TFRC: variants seen among roughly 807,000 people sequenced by gnomAD.
The protein encoded by TFRC is transferrin receptor.
A neutral mutation model predicts 85.8 loss-of-function variants in TFRC; 35 were observed. The observed-to-expected ratio is 0.41, with a 90% CI of 0.31 to 0.54. The LOEUF is 0.54. TFRC is among the 20% of genes least tolerant of loss of function. TFRC has a pLI of 0.31. For missense variants in TFRC, 828 were observed against 921.5 expected, an observed-to-expected ratio of 0.90 and a Z score of 1.31; for synonymous variants, 362 against 328.6, an observed-to-expected ratio of 1.10 and a Z score of -1.10.
At chr3:196,073,047 A>ACCAAACAAAC (rs1553798508) in intron 4 of TFRC, among the ~76,000 whole-genome samples, 17 of 110,496 alleles carry the variant, frequency 1.5e-4, no homozygotes, top group African/African-American at 2.4e-4. Flanking sequence ...AAAAAAAAAA[A>ACCAAACAAAC]AAAAAAAAAA....
chr3:196,058,195 C>T (rs1229121967), intron 16 of TFRC, 89 bp downstream of exon 16: 1 of 1,015,194 alleles, frequency 9.9e-7, no homozygotes, highest in Non-Finnish European at 1.5e-6. Context: ...ATAGCACAGG[C>T]ATTCCCATTG....
intron 11 of TFRC, among the ~76,000 whole-genome samples, chr3:196,063,673 A>G (rs1269206234): frequency 6.6e-6 from 1 of 152,226 alleles, no homozygotes; most frequent in Admixed American, 6.5e-5. Flanking sequence ...GCTCACTAGC[A>G]GCATTTTGGG....
Position 196,070,774 on chromosome 3 carries a change from AAATAAT to A in TFRC, c.687+616_687+621del, listed in dbSNP as rs58386151. On this transcript the variant is annotated intron_variant, in intron 6 of 18. Transcript: ENST00000360110. Reference sequence around the variant, plus strand: ...AACATGGCAAAACCCTGTCTCTACCAAATAATAATAATAATAATAATAATAATAATA... The same window carrying A: ...AACATGGCAAAACCCTGTCTCTACCAAATAATAATAATAATAATAATAATA... 5.4e-3 allele frequency among the ~76,000 whole-genome samples: 737 copies of A among 135,800 alleles called. 30 individuals carry two copies. The East Asian group carries it at 0.076, about 14-fold the overall frequency. The allele number at this position is 135,800 out of a possible 152,430, so 89.1% of individuals were successfully genotyped here.
chr3:196,071,777 G>A (rs186902029), intron 5 of TFRC, among the ~76,000 whole-genome samples: 33 of 152,302 alleles, frequency 2.2e-4, no homozygotes, highest in Admixed American at 1.6e-3. Flanking sequence ...GGTGGCGTGC[G>A]CCTGTAATCC....
At chr3:196,063,836 G>A (rs1274886020) in intron 11 of TFRC, among the ~76,000 whole-genome samples, 1 of 152,192 alleles carries the variant, frequency 6.6e-6, no homozygotes, top group Non-Finnish European at 1.5e-5. Context: ...AGAATTGCTT[G>A]AAGTCGGGAG....
intron 6 of TFRC, 99 bp downstream of exon 6, chr3:196,071,297 T>C (rs1171328985): frequency 8.6e-7 from 1 of 1,166,032 alleles, no homozygotes; most frequent in Non-Finnish European, 1.2e-6. Context: ...CATGATCATT[T>C]ACATTTTACA....
intron 9 of TFRC, among the ~76,000 whole-genome samples, chr3:196,065,994 A>AC (rs1560078999): frequency 1.3e-5 from 2 of 150,352 alleles, no homozygotes; most frequent in African/African-American, 4.8e-5. Flanking sequence ...TGTCTCAAAA[A>AC]AAAACAAAAC....
At chr3:196,065,651 G>A (rs765059846) in intron 9 of TFRC, 51 bp from the exon 10 acceptor site, 2 of 1,537,154 alleles carry the variant, frequency 1.3e-6, no homozygotes, top group Non-Finnish European at 1.7e-6. Context: ...CTTGCCCAGG[G>A]TTTACTCCTG....
At position 196,054,760 on chromosome 3, in the gene TFRC, G is replaced by A. The variant is rs191582929; in HGVS notation, c.1899+320C>T. Among the ~76,000 whole-genome samples, 167 of 152,320 alleles carry A rather than the reference G, an allele frequency of 1.1e-3. 1 individual carries two copies. Among genetic ancestry groups the A allele is most frequent in the African/African-American group, 3.9e-3 (162 of 41,572 alleles). ...GTCTTTCCATCCGGGTCACGCCCGA[G>A]AGGCACACAGCCCAACTCCTTGCTG... On this transcript the variant is annotated intron_variant, in intron 17 of 18. Coordinates refer to ENST00000360110, the MANE Select transcript of TFRC (RefSeq NM_001128148.3).
At chr3:196,072,975 G>A (rs1465950270) in intron 4 of TFRC, 1 of 150,008 alleles carries the variant, frequency 6.7e-6, no homozygotes, top group Non-Finnish European at 1.5e-5. Context: ...CAAGACAGGA[G>A]GATCATCTGA....
At chr3:196,062,546 C>T in intron 13 of TFRC, 36 bp downstream of exon 13, 1 of 1,584,906 alleles carries the variant, frequency 6.3e-7, no homozygotes, top group Non-Finnish European at 8.6e-7. Flanking sequence ...AAAAGTTTAC[C>T]TGAATTCATA....
At position 196,051,385 on chromosome 3, in the gene TFRC, G is replaced by C. The variant is rs1302813231; in HGVS notation, c.*557C>G. On this transcript the variant is annotated 3_prime_UTR_variant, in exon 19 of 19. Coordinates refer to ENST00000360110, the MANE Select transcript of TFRC (RefSeq NM_001128148.3). ...TTGAACCTCATTTTATCCAGCAGAA[G>C]GACCTCCATTTCAGACCTCATTGGC... is the stretch of plus-strand genomic sequence containing the variant. 3 of 218,870 alleles carry C rather than the reference G, an allele frequency of 1.4e-5. No homozygotes were observed. The highest frequency in any genetic ancestry group is 6.7e-5 in the African/African-American group (3 of 44,714). 13.6% of individuals were successfully genotyped at this position (218,870 alleles called of 1,614,324 possible). A position where few individuals can be genotyped will look rare whatever the true frequency, so the allele number is the denominator to read the frequency against.
In TFRC at chr3:196,076,906, C is replaced by T. The variant is rs150714520; in HGVS notation, c.36+158G>A. On this transcript the variant is annotated intron_variant, in intron 2 of 18. Coordinates refer to ENST00000360110, the MANE Select transcript of TFRC (RefSeq NM_001128148.3). The stretch of plus-strand genomic sequence containing the variant: ...ATAATTAACCCTACTGAAGGCTGAA[C>T]TCTTTGTGAGATCAGTTATGCCTCA... Among the ~76,000 whole-genome samples, 81 of 152,318 alleles carry T rather than the reference C, an allele frequency of 5.3e-4. 1 individual carries two copies. The highest frequency in any genetic ancestry group is 1.6e-3 in the African/African-American group (67 of 41,568).
chr3:196,073,863 T>C lies in TFRC; in HGVS notation c.434+67A>G, dbSNP rs1718434106. On this transcript the variant is annotated intron_variant, in intron 4 of 18. Transcript: ENST00000360110. ...ATTCCCCACAGTGTCACCATTATTGTTTCCCCGTGGCCTATCATAATTCTT... is the reference window on the plus strand; with the variant it reads ...ATTCCCCACAGTGTCACCATTATTGCTTCCCCGTGGCCTATCATAATTCTT... The C allele has an allele frequency of 2.0e-6, 3 of 1,490,292 alleles. No individual in the cohort carries two copies. In the African/African-American group the frequency reaches 4.2e-5, roughly 21 times the overall value. The allele number at this position is 1,490,292 out of a possible 1,614,324, so 92.3% of individuals were successfully genotyped here. A position where few individuals can be genotyped will look rare whatever the true frequency, so the allele number is the denominator to read the frequency against.
chr3:196,072,044 G>C lies in TFRC; in HGVS notation c.543C>G (p.Val181=), dbSNP rs916376239. The change falls in exon 5 of 19, where the codon GTC becomes GTG. Residue 181 remains valine, a synonymous_variant. Coordinates refer to ENST00000360110, the MANE Select transcript of TFRC (RefSeq NM_001128148.3). ...TCTTAACAAAATGTTGATCACGCCA[G>C]ACTTTGCTGAGTTTAAATTCACGAA... ...NQFREFKLSK[V]WRDQHFVKIQ... 2 of 1,614,002 alleles carry C rather than the reference G, an allele frequency of 1.2e-6. No individual in the cohort carries two copies. Among genetic ancestry groups the C allele is most frequent in the Non-Finnish European group, 8.5e-7 (1 of 1,180,036 alleles).
At position 196,074,165 on chromosome 3, in the gene TFRC, T is replaced by G. The variant is rs1718461580; in HGVS notation, c.239-40A>C. ...TTCCAGAGCTGAACTCAGAATTTCATTTGTAATCTATCCCTGTTAATCTGT... is the reference window on the plus strand; with the variant it reads ...TTCCAGAGCTGAACTCAGAATTTCAGTTGTAATCTATCCCTGTTAATCTGT... On this transcript the variant is annotated intron_variant, in intron 3 of 18. Transcript: ENST00000360110. 50 of 1,550,896 alleles carry G rather than the reference T, an allele frequency of 3.2e-5. No individual in the cohort carries two copies. In the East Asian group the frequency reaches 1.1e-3, roughly 35 times the overall value.
At chr3:196,056,925 G>A (rs555544921) in intron 16 of TFRC, among the ~76,000 whole-genome samples, 1 of 152,084 alleles carries the variant, frequency 6.6e-6, no homozygotes, top group South Asian at 2.1e-4. Flanking sequence ...AGGTTCAAGC[G>A]ATTCTCCTGC....
At chr3:196,073,047 A>AAAAACAAACAAAC (rs1718353320) in intron 4 of TFRC, among the ~76,000 whole-genome samples, 2 of 110,496 alleles carry the variant, frequency 1.8e-5, no homozygotes, top group Admixed American at 9.1e-5. Flanking sequence ...AAAAAAAAAA[A>AAAAACAAACAAAC]AAAAAAAAAA....
intron 17 of TFRC, 97 bp from the exon 18 acceptor site, chr3:196,053,655 AAAGG>A (rs1716534096): frequency 6.7e-7 from 1 of 1,496,580 alleles, no homozygotes; most frequent in Non-Finnish European, 9.2e-7. Flanking sequence ...GATTCTGATA[AAAGG>A]AACTCGCAGA....
Sources: allele counts gnomAD v4.1 joint callset (sites outside exome capture counted in the v4.1 genomes callset), GRCh38; gene constraint gnomAD v4.1.1; transcripts MANE v1.5; gene names NCBI Gene and HGNC (gene_info 2026-07-23, HGNC 2026-07-21).